ANKRD39: variants seen among roughly 807,000 people sequenced by gnomAD.
ANKRD39 encodes the protein ankyrin repeat domain-containing protein 39.
A neutral mutation model predicts 20.3 loss-of-function variants in ANKRD39; 18 were observed. That is an observed-to-expected ratio of 0.89 (90% CI 0.61 to 1.32). The LOEUF is 1.32. Ranked by LOEUF, ANKRD39 falls within the 40% of genes most tolerant of loss-of-function variation. The pLI is 0.00. For missense variants in ANKRD39, 243 were observed against 250.7 expected (o/e 0.97, Z 0.21); for synonymous variants, 106 against 111.9 (o/e 0.95, Z 0.33).
At chr2:96,855,009 G>A (rs1400865002) in intron 1 of ANKRD39, among the ~76,000 whole-genome samples, 2 of 152,224 alleles carry the variant, frequency 1.3e-5, no homozygotes, top group African/African-American at 2.4e-5. Context: ...GATCTCCCTG[G>A]TGAGCACAAA....
rs771703884 is a variant in ANKRD39 at position 96,854,359 on chromosome 2, G to T, written c.183C>A (p.Asp61Glu). The stretch of plus-strand genomic sequence containing the variant: ...TCACCAGCGCAGTGTAGCCGGCCGA[G>T]TCGGGCTGACTTGGGTCCTCGGCCT... Reference protein sequence around the residue: ...IQKAEDPSQPDSAGYTALHYA... With the variant: ...IQKAEDPSQPESAGYTALHYA... The change falls in exon 2 of 4, where the codon GAC becomes GAA. Residue 61 changes from aspartate (D) to glutamate (E), a missense_variant. Coordinates refer to ENST00000393537, the MANE Select transcript of ANKRD39 (RefSeq NM_016466.6). 14 of 1,614,024 alleles carry T rather than the reference G, an allele frequency of 8.7e-6. No individual in the cohort carries two copies. The South Asian group carries it at 1.5e-4, about 18-fold the overall frequency.
At chr2:96,851,650 C>G (rs1480229263) in intron 3 of ANKRD39, among the ~76,000 whole-genome samples, 1 of 152,114 alleles carries the variant, frequency 6.6e-6, no homozygotes, top group East Asian at 1.9e-4. Flanking sequence ...TACGCAGACC[C>G]CAAACAGGGA....
chr2:96,850,238 A>G (rs1328075229), intron 3 of ANKRD39, among the ~76,000 whole-genome samples: 1 of 152,238 alleles, frequency 6.6e-6, no homozygotes, highest in African/African-American at 2.4e-5. Context: ...TGGTCCTCCT[A>G]ATGAGTACAG....
rs1334004506 is a variant in ANKRD39 at position 96,857,990 on chromosome 2, C to G, written c.-3G>C. 4 of 1,526,184 alleles carry G rather than the reference C, an allele frequency of 2.6e-6. No homozygotes were observed. Among genetic ancestry groups the G allele is most frequent in the Non-Finnish European group, 3.5e-6 (4 of 1,143,676 alleles). The allele number at this position is 1,526,184 out of a possible 1,614,324, so 94.5% of individuals were successfully genotyped here. Reference sequence around the variant, plus strand: ...GCGCAGGGCCGAGGCGTCGCCATCCCGGCCCCGGCGTCAGTCGATCCGCCC... The same window carrying G: ...GCGCAGGGCCGAGGCGTCGCCATCCGGGCCCCGGCGTCAGTCGATCCGCCC... On this transcript the variant is annotated 5_prime_UTR_variant, in exon 1 of 4. Transcript: ENST00000393537.
Position 96,857,531 on chromosome 2 carries a change from T to C in ANKRD39, c.100+357A>G, listed in dbSNP as rs944581155. ...CCCCAGGCCTGCAGCTCCATGCCCCTCAGGTTGGGTGCAATGCCCCTGGTG... is the reference window on the plus strand; with the variant it reads ...CCCCAGGCCTGCAGCTCCATGCCCCCCAGGTTGGGTGCAATGCCCCTGGTG... On this transcript the variant is annotated intron_variant, in intron 1 of 3. Coordinates refer to ENST00000393537, the MANE Select transcript of ANKRD39 (RefSeq NM_016466.6). Among the ~76,000 whole-genome samples, 23 of 152,322 alleles carry C rather than the reference T, an allele frequency of 1.5e-4. 2 individuals are homozygous for C. Among genetic ancestry groups the C allele is most frequent in the Admixed American group, 5.2e-4 (8 of 15,300 alleles).
chr2:96,849,298 G>A lies in ANKRD39; in HGVS notation c.409-854C>T, dbSNP rs558740350. The stretch of plus-strand genomic sequence containing the variant: ...CTCCCAAGTAGCTGAGATTGCAGGC[G>A]TGCACCACTACACGTGGCTAACCTT... On this transcript the variant is annotated intron_variant, in intron 3 of 3. Transcript: ENST00000393537. 1.4e-3 allele frequency among the ~76,000 whole-genome samples: 211 copies of A among 152,188 alleles called. 1 individual carries two copies. Among genetic ancestry groups the A allele is most frequent in the Admixed American group, 2.2e-3 (33 of 15,294 alleles).
intron 1 of ANKRD39, among the ~76,000 whole-genome samples, chr2:96,856,245 G>A (rs943768928): frequency 1.3e-5 from 2 of 151,924 alleles, no homozygotes; most frequent in Non-Finnish European, 2.9e-5. Context: ...AGGTCAAAGC[G>A]GGCAGATCAT....
chr2:96,853,657 G>T, intron 2 of ANKRD39, 53 bp from the exon 3 acceptor site: 1 of 1,571,360 alleles, frequency 6.4e-7, no homozygotes, highest in East Asian at 2.3e-5. Context: ...AGGTGACAAG[G>T]GTGGTATAGA....
intron 3 of ANKRD39, among the ~76,000 whole-genome samples, chr2:96,853,063 G>C (rs1188678967): frequency 6.6e-6 from 1 of 152,164 alleles, no homozygotes; most frequent in African/African-American, 2.4e-5. Context: ...GCTAGAAAGA[G>C]TTTAATTAAA....
chr2:96,851,352 C>A (rs977648146), intron 3 of ANKRD39, among the ~76,000 whole-genome samples: 2 of 152,104 alleles, frequency 1.3e-5, no homozygotes, highest in African/African-American at 4.8e-5. Context: ...GACGGGGTTT[C>A]TCCATGTTGG....
chr2:96,857,949 G>A lies in ANKRD39; in HGVS notation c.39C>T (p.Cys13=), dbSNP rs1169364416. Residue 13 remains cysteine (C), a synonymous_variant, in exon 1 of 4, where the codon TGC becomes TGT. Transcript: ENST00000393537. The part of the protein sequence containing the change: ...TPRPCADGPC[C]SHPSAVLGVQ... ...CGCCGAGCACCGCGCTGGGATGCGAGCAGCAGGGCCCGTCCGCGCAGGGCC... is the reference window on the plus strand; with the variant it reads ...CGCCGAGCACCGCGCTGGGATGCGAACAGCAGGGCCCGTCCGCGCAGGGCC... 4 of 1,576,608 alleles carry A rather than the reference G, an allele frequency of 2.5e-6. No individual in the cohort carries two copies. Among genetic ancestry groups the A allele is most frequent in the Non-Finnish European group, 3.4e-6 (4 of 1,168,632 alleles).
rs918839990 is a variant in ANKRD39, at chr2:96,848,560, C to G, written c.409-116G>C. 5.5e-5 allele frequency: 75 copies of G among 1,357,348 alleles called. No homozygotes were observed. The African/African-American group carries it at 9.5e-4, about 17-fold the overall frequency. The allele number at this position is 1,357,348 out of a possible 1,614,324, so 84.1% of individuals were successfully genotyped here. ...AAAGAGGCCTCTCTGGGCGCAGTGGCTCACGCCTGTAATCTCAGCACTTTG... is the reference window on the plus strand; with the variant it reads ...AAAGAGGCCTCTCTGGGCGCAGTGGGTCACGCCTGTAATCTCAGCACTTTG... On this transcript the variant is annotated intron_variant, in intron 3 of 3. Transcript: ENST00000393537.
In ANKRD39 at chr2:96,853,566, C is replaced by A. The variant is rs953875351; in HGVS notation, c.243G>T (p.Gln81His). ...ASRNGHYAVCQFLLESGAKCD... is the reference protein window; with the variant it reads ...ASRNGHYAVCHFLLESGAKCD... Reference sequence around the variant, plus strand: ...ACTTAGCTCCGCTTTCCAGCAGGAACTGGCACACAGCGTAGTGCCCATTGC... The same window carrying A: ...ACTTAGCTCCGCTTTCCAGCAGGAAATGGCACACAGCGTAGTGCCCATTGC... The change falls in exon 3 of 4, where the codon CAG (glutamine) becomes CAT (histidine). Residue 81 changes from glutamine to histidine, a missense_variant. By Grantham distance (24) the Gln-to-His change is conservative. Coordinates refer to ENST00000393537, the MANE Select transcript of ANKRD39 (RefSeq NM_016466.6). 6.2e-6 allele frequency: 10 copies of A among 1,612,644 alleles called. No individual in the cohort carries two copies. In the African/African-American group the frequency reaches 9.3e-5, roughly 15 times the overall value.
intron 1 of ANKRD39, 76 bp downstream of exon 1, chr2:96,857,812 C>T: frequency 6.9e-7 from 1 of 1,449,766 alleles, no homozygotes; most frequent in Non-Finnish European, 9.3e-7. Flanking sequence ...CCCGTTCATC[C>T]GCCTCTCCTT....
Position 96,848,121 on chromosome 2 carries a change from G to T in ANKRD39, c.*180C>A. 1.4e-6 allele frequency: 1 copy of T among 707,740 alleles called. No individual in the cohort carries two copies. The highest frequency in any genetic ancestry group is 2.2e-6 in the Non-Finnish European group (1 of 446,380). 43.8% of individuals were successfully genotyped at this position (707,740 alleles called of 1,614,324 possible). A position where few individuals can be genotyped will look rare whatever the true frequency, so the allele number is the denominator to read the frequency against. On this transcript the variant is annotated 3_prime_UTR_variant, in exon 4 of 4. Transcript: ENST00000393537. The stretch of plus-strand genomic sequence containing the variant: ...AATTTAGAATATGATCATCTGTCCA[G>T]TCTTAAACACTTTTAGCCACACCAA...
intron 3 of ANKRD39, among the ~76,000 whole-genome samples, chr2:96,849,663 A>T (rs2079826867): frequency 6.6e-6 from 1 of 151,176 alleles, no homozygotes; most frequent in South Asian, 2.1e-4. Flanking sequence ...AAATAAAAAT[A>T]AAAAAAAATA....
At chr2:96,855,340 A>G (rs2079857299) in intron 1 of ANKRD39, among the ~76,000 whole-genome samples, 1 of 152,244 alleles carries the variant, frequency 6.6e-6, no homozygotes, top group African/African-American at 2.4e-5. Flanking sequence ...AAACAAAACA[A>G]CAACAATAGA....
rs921610387 is a variant in ANKRD39 at position 96,858,012 on chromosome 2, G to A, written c.-25C>T. On this transcript the variant is annotated 5_prime_UTR_variant, in exon 1 of 4. Coordinates refer to ENST00000393537, the MANE Select transcript of ANKRD39 (RefSeq NM_016466.6). The stretch of plus-strand genomic sequence containing the variant: ...TCCCGGCCCCGGCGTCAGTCGATCC[G>A]CCCCGGGTCTCAGGCTCAGCCTCGG... 1.3e-5 allele frequency: 20 copies of A among 1,508,184 alleles called. No homozygotes were observed. The highest frequency in any genetic ancestry group is 1.0e-4 in the African/African-American group (7 of 69,716). 93.4% of individuals were successfully genotyped at this position (1,508,184 alleles called of 1,614,324 possible). A position where few individuals can be genotyped will look rare whatever the true frequency, so the allele number is the denominator to read the frequency against.
chr2:96,853,634 G>A (rs774374448), intron 2 of ANKRD39, 30 bp from the exon 3 acceptor site: 1 of 1,603,304 alleles, frequency 6.2e-7, no homozygotes, highest in Non-Finnish European at 8.5e-7. Flanking sequence ...AGGTCAGATG[G>A]GAGAAGCCAG....
Sources: gnomAD v4.1 joint callset for allele counts (sites outside exome capture counted in the v4.1 genomes callset) on GRCh38, gnomAD v4.1.1 for gene constraint, MANE v1.5 for transcripts, NCBI Gene and HGNC (gene_info 2026-07-23, HGNC 2026-07-21) for gene names.